The following WWOX variants were observed in gnomAD, a reference collection of about 807,000 sequenced individuals.
WWOX encodes the protein WW domain containing oxidoreductase.
WWOX carries 69 observed loss-of-function variants against 46.2 expected under a neutral mutation model. The ratio of observed to expected loss-of-function variants is 1.49; its 90% CI spans 1.23 to 1.82. The LOEUF is 1.82. Ranked by LOEUF, WWOX falls within the 40% of genes most tolerant of loss-of-function variation. The pLI, the probability that WWOX is intolerant of heterozygous loss-of-function variation, is 0.00. For synonymous variants in WWOX, 359 were observed against 202.6 expected (o/e 1.77, Z -6.56); for missense variants, 919 against 542.6 (o/e 1.69, Z -6.89).
chr16:79,054,694 G>A (rs546727425), intron 8 of WWOX, among the ~76,000 whole-genome samples: 5 of 152,082 alleles, frequency 3.3e-5, no homozygotes, highest in African/African-American at 4.8e-5. Flanking sequence ...GCGTGGTGTC[G>A]TGTGTCTGTA....
In WWOX at chr16:79,092,862, C is replaced by T. The variant is rs1482474797; in HGVS notation, c.1057-118746C>T. ...AGGCCCCTCAGCCCTCATAACCCCC[C>T]AGCTCCATAGGAGTGGAGTTTGGAT... On this transcript the variant is annotated intron_variant, in intron 8 of 8. Coordinates refer to ENST00000566780, the MANE Select transcript of WWOX (RefSeq NM_016373.4). Among the ~76,000 whole-genome samples, 4 of 152,294 alleles carry T rather than the reference C, an allele frequency of 2.6e-5. No homozygotes were observed. In the East Asian group the frequency reaches 5.8e-4, roughly 22 times the overall value.
chr16:78,456,473 T>A (rs750356060), intron 8 of WWOX, among the ~76,000 whole-genome samples: 1 of 152,222 alleles, frequency 6.6e-6, no homozygotes, highest in African/African-American at 2.4e-5. Context: ...AACAAAATAC[T>A]TTGTCTCTTT....
intron 5 of WWOX, among the ~76,000 whole-genome samples, chr16:78,225,102 A>G (rs1263112876): frequency 2.0e-5 from 3 of 152,216 alleles, no homozygotes; most frequent in Admixed American, 2.0e-4. Flanking sequence ...TCATTGCATG[A>G]AGATCATAGA....
chr16:78,623,816 A>G (rs2151648030), intron 8 of WWOX, among the ~76,000 whole-genome samples: 1 of 152,338 alleles, frequency 6.6e-6, no homozygotes, highest in South Asian at 2.1e-4. Flanking sequence ...AGAAAATAAT[A>G]TACATACATT....
At chr16:78,413,147 AG>A (rs1204619342) in intron 6 of WWOX, among the ~76,000 whole-genome samples, 1 of 152,192 alleles carries the variant, frequency 6.6e-6, no homozygotes, top group Non-Finnish European at 1.5e-5. Flanking sequence ...ATCCACACAG[AG>A]CCAGCTGTAT....
At chr16:78,530,880 A>G (rs2043605450) in intron 8 of WWOX, among the ~76,000 whole-genome samples, 1 of 152,250 alleles carries the variant, frequency 6.6e-6, no homozygotes, top group Admixed American at 6.5e-5. Context: ...GCTGTGCTAA[A>G]CGTTTTACAA....
At chr16:79,196,398 G>C (rs756338857) in intron 8 of WWOX, 2 of 152,142 alleles carry the variant, frequency 1.3e-5, no homozygotes, top group Non-Finnish European at 2.9e-5. Context: ...ATACCAGTTT[G>C]AACCGAGGGA....
At chr16:78,829,130 GGA>G (rs1161441646) in intron 8 of WWOX, among the ~76,000 whole-genome samples, 8 of 137,372 alleles carry the variant, frequency 5.8e-5, no homozygotes, top group African/African-American at 1.7e-4. Context: ...ATGGATGGAT[GGA>G]GAGAGAGAGA....
At chr16:78,766,129 A>G (rs1054973375) in intron 8 of WWOX, among the ~76,000 whole-genome samples, 3 of 152,208 alleles carry the variant, frequency 2.0e-5, no homozygotes, top group Non-Finnish European at 4.4e-5. Context: ...CCGTCCCCTG[A>G]TAGTCGGTGG....
Position 78,352,973 on chromosome 16 carries a change from CACTT to C in WWOX, c.517-33882_517-33879del, listed in dbSNP as rs757151995. On this transcript the variant is annotated intron_variant, in intron 5 of 8. Coordinates refer to ENST00000566780, the MANE Select transcript of WWOX (RefSeq NM_016373.4). Reference sequence around the variant, plus strand: ...AATGATTTTTTAAAAATATTTCTCTCACTTACTTGAAAAGCAGTCTTAGAAATTA... The same window carrying C: ...AATGATTTTTTAAAAATATTTCTCTCACTTGAAAAGCAGTCTTAGAAATTA... Among the ~76,000 whole-genome samples the C allele has an allele frequency of 1.6e-3, 238 of 152,286 alleles. 4 individuals carry two copies. The highest frequency in any genetic ancestry group is 9.9e-4 in the African/African-American group (41 of 41,566).
chr16:78,159,998 T>G (rs2034737857), intron 4 of WWOX, among the ~76,000 whole-genome samples: 1 of 152,008 alleles, frequency 6.6e-6, no homozygotes, highest in African/African-American at 2.4e-5. Flanking sequence ...ATTTTATTAG[T>G]TTTTTCAATT....
At chr16:79,014,484 C>T (rs1184963141) in intron 8 of WWOX, among the ~76,000 whole-genome samples, 2 of 152,174 alleles carry the variant, frequency 1.3e-5, no homozygotes, top group Non-Finnish European at 2.9e-5. Context: ...TTGCTACATT[C>T]AGTTCAGGGA....
At chr16:78,195,811 G>T (rs996616300) in intron 5 of WWOX, among the ~76,000 whole-genome samples, 2 of 107,214 alleles carry the variant, frequency 1.9e-5, no homozygotes, top group South Asian at 3.3e-4. Flanking sequence ...GACAGAGCAA[G>T]ACTCTGCCTC....
intron 8 of WWOX, among the ~76,000 whole-genome samples, chr16:78,978,839 C>T (rs2046623805): frequency 6.6e-6 from 1 of 152,156 alleles, no homozygotes; most frequent in African/African-American, 2.4e-5. Context: ...TCCCACCAGG[C>T]CCCACCTCCA....
At chr16:79,131,907 G>T (rs946150865) in intron 8 of WWOX, among the ~76,000 whole-genome samples, 13 of 152,146 alleles carry the variant, frequency 8.5e-5, no homozygotes, top group African/African-American at 1.4e-4. Context: ...CAGGCAAAGA[G>T]AGTGAGCTTG....
chr16:79,135,962 C>T (rs1274012914), intron 8 of WWOX, among the ~76,000 whole-genome samples: 1 of 152,156 alleles, frequency 6.6e-6, no homozygotes, highest in South Asian at 2.1e-4. Flanking sequence ...TCACCACCTT[C>T]GAATGGCTGA....
chr16:78,196,557 T>C (rs1825420753), intron 5 of WWOX, among the ~76,000 whole-genome samples: 1 of 152,212 alleles, frequency 6.6e-6, no homozygotes, highest in Non-Finnish European at 1.5e-5. Context: ...GCAAATACTA[T>C]TTACAGTCGT....
At chr16:78,437,711 C>T (rs1344779878) in intron 8 of WWOX, among the ~76,000 whole-genome samples, 3 of 152,024 alleles carry the variant, frequency 2.0e-5, no homozygotes, top group Non-Finnish European at 4.4e-5. Context: ...TTTTAAGTGT[C>T]GTTCTAAAAA....
chr16:78,584,903 C>A (rs1471097842), intron 8 of WWOX, among the ~76,000 whole-genome samples: 1 of 152,216 alleles, frequency 6.6e-6, no homozygotes, highest in African/African-American at 2.4e-5. Context: ...ATTTCCCATT[C>A]ATTGACAGAA....
Sources: allele counts gnomAD v4.1 joint callset (sites outside exome capture counted in the v4.1 genomes callset), GRCh38; gene constraint gnomAD v4.1.1; transcripts MANE v1.5; gene names NCBI Gene and HGNC (gene_info 2026-07-23, HGNC 2026-07-21).